ARHGEF1: variants seen among roughly 807,000 people sequenced by gnomAD.
The protein encoded by ARHGEF1 is 115 kDa guanine nucleotide exchange factor.
ARHGEF1 carries 40 observed loss-of-function variants against 119.7 expected under a neutral mutation model. The observed-to-expected ratio is 0.33, with a 90% CI of 0.26 to 0.44. The LOEUF is 0.44. Ranked by LOEUF, ARHGEF1 falls within the 20% of genes least tolerant of loss-of-function variation. The pLI is 1.00. For synonymous variants in ARHGEF1, 494 were observed against 521.0 expected (o/e 0.95, Z 0.71); for missense variants, 976 against 1,268.3 (o/e 0.77, Z 3.50).
chr19:41,929,410 C>G (rs1257891408), intron 2 of ARHGEF1, among the ~76,000 whole-genome samples: 2 of 152,182 alleles, frequency 1.3e-5, no homozygotes, highest in African/African-American at 4.8e-5. Flanking sequence ...GGAAAGGGCC[C>G]TGCCCAGCCA....
upstream of ARHGEF1, among the ~76,000 whole-genome samples, chr19:41,922,003 A>C (rs2074845153): frequency 2.7e-5 from 3 of 112,244 alleles, no homozygotes; most frequent in African/African-American, 6.6e-5. Context: ...TTCTACCTCC[A>C]CCCCCAGCCT....
At position 41,917,998 on chromosome 19, in the gene ARHGEF1, G is replaced by T. The variant is rs1461938681; in HGVS notation, c.1866-5094G>T. ...CCATGTGTACACAGAGCAGGCTCAG[G>T]GGCCGGCCCTCGACAGGCACCAGGA... On this transcript the variant is annotated intron_variant, in intron 18 of 20. Transcript: ENST00000599589. The surrounding 1 kb of genome is among the most constrained non-coding windows in gnomAD (Gnocchi z 4.8). 3.9e-5 allele frequency among the ~76,000 whole-genome samples: 6 copies of T among 151,936 alleles called. No homozygotes were observed. The East Asian group carries it at 1.2e-3, about 29-fold the overall frequency.
chr19:41,922,423 T>C (rs782623727), upstream of ARHGEF1, among the ~76,000 whole-genome samples: 3 of 151,542 alleles, frequency 2.0e-5, no homozygotes, highest in African/African-American at 4.9e-5. Flanking sequence ...GAGGGGCAGA[T>C]GGATGGGACT....
intron 1 of ARHGEF1, chr19:41,884,532 T>G: frequency 6.2e-7 from 1 of 1,603,102 alleles, no homozygotes; most frequent in Non-Finnish European, 8.5e-7. Flanking sequence ...AGACCCTGAC[T>G]CTGCACGTCC....
chr19:41,899,920 T>TA (rs201057180), intron 14 of ARHGEF1, among the ~76,000 whole-genome samples: 25,242 of 135,252 alleles, frequency 0.19, 5,445 homozygotes, highest in African/African-American at 0.52. Flanking sequence ...AAGGACATGA[T>TA]AAAAAAAAAA....
chr19:41,887,922 A>T, intron 1 of ARHGEF1, 142 bp from the exon 2 acceptor site: 1 of 961,374 alleles, frequency 1.0e-6, no homozygotes, highest in Non-Finnish European at 1.5e-6. Flanking sequence ...CTTTGTGGCC[A>T]CACAGAGGCC....
rs1001489091 is a variant in ARHGEF1 at position 41,905,958 on chromosome 19, C to T, written c.2424C>T (p.Leu808=). The change falls in exon 26 of 29, where the codon CTC becomes CTT. Residue 808 remains leucine (L), a synonymous_variant. Transcript: ENST00000354532. The surrounding 1 kb of genome is among the most constrained non-coding windows in gnomAD (Gnocchi z 6.4). ...SPADARTERI[L]SDLLPFCRPG... ...ATCCAGCCCGGACCGAGAGAATCCT[C>T]AGTGACCTCCTGCCCTTCTGCAGAC... is the stretch of plus-strand genomic sequence containing the variant. The T allele has an allele frequency of 1.1e-5, 17 of 1,614,144 alleles. No homozygotes were observed. Among genetic ancestry groups the T allele is most frequent in the Non-Finnish European group, 1.4e-5 (16 of 1,180,030 alleles).
Position 41,892,904 on chromosome 19 carries a change from G to T in ARHGEF1, c.614+55G>T, listed in dbSNP as rs563950113. The stretch of plus-strand genomic sequence containing the variant: ...GCCCCTCCCCAGCACAAGGGCACCC[G>T]TGCTACCTCTGGCATGTTCCATCCC... On this transcript the variant is annotated intron_variant, in intron 7 of 28. Transcript: ENST00000354532. This position sits in a 1 kb window ranked among gnomAD's most constrained non-coding sequence, Gnocchi z 6.3. The T allele has an allele frequency of 1.4e-6, 2 of 1,444,628 alleles. No homozygotes were observed. The highest frequency in any genetic ancestry group is 2.6e-5 in the Admixed American group (1 of 37,912). The allele number at this position is 1,444,628 out of a possible 1,614,324, so 89.5% of individuals were successfully genotyped here. A position where few individuals can be genotyped will look rare whatever the true frequency, so the allele number is the denominator to read the frequency against.
chr19:41,903,019 A>G lies in ARHGEF1; in HGVS notation c.1738+121A>G. ...CTGCAGCCTCAACCTCCCAGGATCT[A>G]CCATCCTCCCACCTCAGCTCCCCAA... On this transcript the variant is annotated intron_variant, in intron 18 of 28. Coordinates refer to ENST00000354532, the MANE Select transcript of ARHGEF1 (RefSeq NM_004706.4). This position sits in a 1 kb window ranked among gnomAD's most constrained non-coding sequence, Gnocchi z 4.2. 1.2e-6 allele frequency: 1 copy of G among 839,980 alleles called. No homozygotes were observed. Among genetic ancestry groups the G allele is most frequent in the South Asian group, 1.9e-5 (1 of 53,906 alleles). 52.0% of individuals were successfully genotyped at this position (839,980 alleles called of 1,614,324 possible).
chr19:41,912,901 A>G (rs2074762286), intron 18 of ARHGEF1: 6 of 1,231,444 alleles, frequency 4.9e-6, no homozygotes, highest in Non-Finnish European at 5.1e-6. Context: ...AGAAGGTCGG[A>G]GACGCAGCTA....
chr19:41,920,988 TCA>T (rs1229798998), upstream of ARHGEF1, among the ~76,000 whole-genome samples: 12 of 152,184 alleles, frequency 7.9e-5, no homozygotes, highest in Non-Finnish European at 1.3e-4. Context: ...TCCCTGAGTC[TCA>T]GTCTCCGCAC....
At chr19:41,896,214 T>C (rs1300525983) in intron 12 of ARHGEF1, among the ~76,000 whole-genome samples, 163 bp from the exon 13 acceptor site, 1 of 152,174 alleles carries the variant, frequency 6.6e-6, no homozygotes, top group African/African-American at 2.4e-5. Flanking sequence ...GGCCATGTTC[T>C]GAGAGGTCTT....
rs1010878137 is a variant in ARHGEF1 at position 41,888,197 on chromosome 19, C to T, written c.30C>T (p.Ser10=). Reference sequence around the variant, plus strand: ...GCTGCCCTCCCTTTCCACAGGCCTCCCCAGGCCCCTCCCGGCCTGGCCTGG... The same window carrying T: ...GCTGCCCTCCCTTTCCACAGGCCTCTCCAGGCCCCTCCCGGCCTGGCCTGG... MEDFARGAA[S]PGPSRPGLVP... is the part of the protein sequence containing the mutation. The change falls in exon 3 of 29, where the codon TCC becomes TCT. Residue 10 remains serine, a synonymous_variant. Transcript: ENST00000354532. This position sits in a 1 kb window ranked among gnomAD's most constrained non-coding sequence, Gnocchi z 5.1. 4 of 1,614,140 alleles carry T rather than the reference C, an allele frequency of 2.5e-6. No homozygotes were observed. Among genetic ancestry groups the T allele is most frequent in the Non-Finnish European group, 3.4e-6 (4 of 1,179,994 alleles).
At chr19:41,884,452 G>T (rs1202438518) in intron 1 of ARHGEF1, 4 of 1,606,252 alleles carry the variant, frequency 2.5e-6, no homozygotes, top group Admixed American at 3.3e-5. Flanking sequence ...CGGAGGCTTC[G>T]GTTCCGGTGG....
Position 41,905,268 on chromosome 19 carries a change from G to A in ARHGEF1, c.2336+7G>A. 6.2e-7 allele frequency: 1 copy of A among 1,611,186 alleles called. No individual in the cohort carries two copies. The highest frequency in any genetic ancestry group is 1.1e-5 in the South Asian group (1 of 90,766). Reference sequence around the variant, plus strand: ...CCCGGCCCAGCCCGAGCAGGTGAGGGGGGCCATGGAGAGAGCTGGAGGTTC... The same window carrying A: ...CCCGGCCCAGCCCGAGCAGGTGAGGAGGGCCATGGAGAGAGCTGGAGGTTC... On this transcript the variant is annotated splice_region_variant and intron_variant, in intron 24 of 28. Transcript: ENST00000354532. The surrounding 1 kb of genome is among the most constrained non-coding windows in gnomAD (Gnocchi z 6.4).
At chr19:41,914,407 C>T (rs992476608) in intron 18 of ARHGEF1, among the ~76,000 whole-genome samples, 2 of 151,752 alleles carry the variant, frequency 1.3e-5, no homozygotes, top group Non-Finnish European at 1.5e-5. Context: ...CCTCTCGTCT[C>T]CATCTCCTCC....
chr19:41,913,275 G>GCCCGCCCC (rs2074765185), intron 18 of ARHGEF1, among the ~76,000 whole-genome samples: 1 of 46,406 alleles, frequency 2.2e-5, no homozygotes, highest in Non-Finnish European at 4.9e-5. Flanking sequence ...CCGCCCGCCC[G>GCCCGCCCC]CCCGCCGCTC....
chr19:41,896,697 C>T (rs918373845), intron 13 of ARHGEF1: 1 of 694,764 alleles, frequency 1.4e-6, no homozygotes, highest in Non-Finnish European at 2.6e-6. Context: ...TTTATCCTTC[C>T]TTTTTCCTCT....
Position 41,892,012 on chromosome 19 carries a change from G to T in ARHGEF1, c.226-13G>T, listed in dbSNP as rs782335298. ...GTGAGGGAGCGGAGAGTCATGCTGTGTGTCTCCCCCAGCTTTGCTGTCTGC... is the reference window on the plus strand; with the variant it reads ...GTGAGGGAGCGGAGAGTCATGCTGTTTGTCTCCCCCAGCTTTGCTGTCTGC... On this transcript the variant is annotated splice_polypyrimidine_tract_variant and intron_variant, in intron 4 of 28. Coordinates refer to ENST00000354532, the MANE Select transcript of ARHGEF1 (RefSeq NM_004706.4). The surrounding 1 kb of genome is among the most constrained non-coding windows in gnomAD (Gnocchi z 6.3). The T allele has an allele frequency of 6.3e-6, 10 of 1,594,672 alleles. No individual in the cohort carries two copies. Among genetic ancestry groups the T allele is most frequent in the Non-Finnish European group, 7.7e-6 (9 of 1,167,632 alleles).
Sources: gnomAD v4.1 joint callset for allele counts (sites outside exome capture counted in the v4.1 genomes callset) on GRCh38, gnomAD v4.1.1 for gene constraint, Gnocchi (gnomAD v3.1) non-coding constraint, MANE v1.5 for transcripts, NCBI Gene and HGNC (gene_info 2026-07-23, HGNC 2026-07-21) for gene names.